Variants in IP6K3 observed in about 807,000 individuals in gnomAD.
IP6K3 encodes the protein ATP:1D-myo-inositol-hexakisphosphate phosphotransferase.
IP6K3 carries 20 observed loss-of-function variants against 28.8 expected under a neutral mutation model. The ratio of observed to expected loss-of-function variants is 0.70; its 90% confidence interval spans 0.49 to 1.01. IP6K3 has a LOEUF of 1.01. Among genes scored for constraint, IP6K3 ranks in the 50% least tolerant of loss-of-function variants. IP6K3 has a pLI of 0.00. For missense variants in IP6K3, 480 were observed against 537.1 expected (o/e 0.89, Z 1.05); for synonymous variants, 213 against 221.3 (o/e 0.96, Z 0.33).
intron 5 of IP6K3, 55 bp from the exon 6 acceptor site, chr6:33,723,242 A>G (rs1582194939): frequency 3.3e-6 from 4 of 1,202,382 alleles, no homozygotes; most frequent in East Asian, 2.4e-5. Context: ...AACAAATTGT[A>G]TCTGGTACGG....
intron 5 of IP6K3, among the ~76,000 whole-genome samples, chr6:33,725,076 A>C (rs1381812793): frequency 6.6e-6 from 1 of 151,914 alleles, no homozygotes; most frequent in African/African-American, 2.4e-5. Context: ...GAAAACACAA[A>C]AAATTAGCCA....
Position 33,723,028 on chromosome 6 carries a change from G to T in IP6K3, c.925C>A (p.Leu309Ile), listed in dbSNP as rs1225935027. The part of the protein sequence containing the change: ...LEPILHQLRA[L>I]LSVIRSQSSY... The stretch of plus-strand genomic sequence containing the variant: ...CTCTGGCTCCTAATGACAGAGAGGA[G>T]GGCCCGGAGCTGGTGCAGGATGGGC... Residue 309 changes from leucine to isoleucine, a missense_variant, in exon 6 of 6, where the codon CTC becomes ATC. Transcript: ENST00000293756. 6.2e-7 allele frequency: 1 copy of T among 1,614,168 alleles called. No individual in the cohort carries two copies. Among genetic ancestry groups the T allele is most frequent in the East Asian group, 2.2e-5 (1 of 44,878 alleles).
rs1766193590 is a variant in IP6K3, at chr6:33,728,231, T to C, written c.269A>G (p.Glu90Gly). 4 of 1,614,216 alleles carry C rather than the reference T, an allele frequency of 2.5e-6. No homozygotes were observed. The highest frequency in any genetic ancestry group is 3.4e-6 in the Non-Finnish European group (4 of 1,180,048). The change falls in exon 3 of 6, where the codon GAG (glutamate) becomes GGG (glycine). Residue 90 changes from glutamate (E) to glycine (G), a missense_variant. Physicochemically the swap from Glu to Gly is moderately conservative, Grantham distance 98. Coordinates refer to ENST00000293756, the MANE Select transcript of IP6K3 (RefSeq NM_054111.5). ...GGAGACCTTGAAGGGCTCCTGGCTC[T>C]CCTTCACTGGGTTGGCAACCAAGCT... is the stretch of plus-strand genomic sequence containing the variant. ...HLSLVANPVK[E>G]SQEPFKVSTE...
chr6:33,740,779 A>T (rs886301948), intron 1 of IP6K3, among the ~76,000 whole-genome samples: 37 of 152,338 alleles, frequency 2.4e-4, no homozygotes, highest in Admixed American at 1.8e-3. Flanking sequence ...GAGTTCATTA[A>T]CATTACGGAA....
rs1391939835 is a variant in IP6K3 at position 33,744,226 on chromosome 6, C to T, written c.-180+2532G>A. Reference sequence around the variant, plus strand: ...CTCCTCCGGACTTTGCCTCTTGAAGCTGCACCCAGGATTTTGGATATTGCT... The same window carrying T: ...CTCCTCCGGACTTTGCCTCTTGAAGTTGCACCCAGGATTTTGGATATTGCT... On this transcript the variant is annotated intron_variant, in intron 1 of 5. Transcript: ENST00000293756. This position sits in a 1 kb window ranked among gnomAD's most constrained non-coding sequence, Gnocchi z 4.4. Among the ~76,000 whole-genome samples the T allele has an allele frequency of 6.6e-6, 1 of 152,230 alleles. No homozygotes were observed. Among genetic ancestry groups the T allele is most frequent in the African/African-American group, 2.4e-5 (1 of 41,460 alleles).
intron 2 of IP6K3, among the ~76,000 whole-genome samples, chr6:33,730,574 G>C (rs945727502): frequency 1.3e-5 from 2 of 152,178 alleles, no homozygotes; most frequent in African/African-American, 2.4e-5. Context: ...TCGTGAGACA[G>C]GGGCTGACGG....
Position 33,723,167 on chromosome 6 carries a change from C to G in IP6K3, c.786G>C (p.Lys262Asn). ...AGTACTTGTCTTTGCAGAGAAAGTA[C>G]TTCTTATCTGTTTGATAAACCTTAC... ...CGMQVYQTDK[K>N]YFLCKDKYYG... Residue 262 changes from lysine (K) to asparagine (N), a missense_variant, in exon 6 of 6, where the codon AAG (lysine) becomes AAC (asparagine). Lys to Asn is a moderately conservative substitution (Grantham distance 94). Coordinates refer to ENST00000293756, the MANE Select transcript of IP6K3 (RefSeq NM_054111.5). 1 of 1,577,774 alleles carries G rather than the reference C, an allele frequency of 6.3e-7. No homozygotes were observed. Among genetic ancestry groups the G allele is most frequent in the Non-Finnish European group, 8.6e-7 (1 of 1,163,028 alleles).
chr6:33,734,006 C>T (rs1300908543), intron 2 of IP6K3, among the ~76,000 whole-genome samples: 1 of 152,154 alleles, frequency 6.6e-6, no homozygotes, highest in Non-Finnish European at 1.5e-5. Flanking sequence ...AGTTCGAGAC[C>T]AGCCTGACCA....
At position 33,728,132 on chromosome 6, in the gene IP6K3, A is replaced by G. The variant is rs1029295425; in HGVS notation, c.368T>C (p.Leu123Pro). The G allele has an allele frequency of 3.1e-6, 5 of 1,609,682 alleles. No individual in the cohort carries two copies. The highest frequency in any genetic ancestry group is 4.2e-6 in the Non-Finnish European group (5 of 1,179,982). The part of the protein sequence containing the change: ...TTGSNGSDCT[L>P]AQWPHAQLAR... ...CAGCTGGGCATGCGGCCACTGGGCAAGGGTGCAGTCGCTGCCATTGCTGCC... is the reference window on the plus strand; with the variant it reads ...CAGCTGGGCATGCGGCCACTGGGCAGGGGTGCAGTCGCTGCCATTGCTGCC... Residue 123 changes from leucine to proline, a missense_variant, in exon 3 of 6, where the codon CTT becomes CCT. Physicochemically the swap from Leu to Pro is moderately conservative, Grantham distance 98. Coordinates refer to ENST00000293756, the MANE Select transcript of IP6K3 (RefSeq NM_054111.5).
chr6:33,726,206 G>C (rs1002038035), intron 4 of IP6K3, among the ~76,000 whole-genome samples: 30 of 152,290 alleles, frequency 2.0e-4, no homozygotes, highest in Admixed American at 1.3e-4. Flanking sequence ...ACTCTGTAGG[G>C]GAGGGGGACT....
At chr6:33,739,218 T>C in intron 1 of IP6K3, 1 of 151,914 alleles carries the variant, frequency 6.6e-6, no homozygotes, top group Non-Finnish European at 1.5e-5. Context: ...CCCTTGCCCC[T>C]GGACTTGGAC....
intron 1 of IP6K3, among the ~76,000 whole-genome samples, chr6:33,745,900 G>A (rs1363490341): frequency 1.3e-5 from 2 of 152,196 alleles, no homozygotes; most frequent in Non-Finnish European, 2.9e-5. Context: ...GTACAAGTGT[G>A]CATGAGATCA....
At position 33,735,499 on chromosome 6, in the gene IP6K3, G is replaced by A. The variant is rs769213723; in HGVS notation, c.-23C>T. On this transcript the variant is annotated 5_prime_UTR_variant, in exon 2 of 6. Coordinates refer to ENST00000293756, the MANE Select transcript of IP6K3 (RefSeq NM_054111.5). ...CATGGCGGCAGATGGTGGTGGTGGG[G>A]GGTCCCTGCACAGTCTGCTAGAGGA... 3.1e-6 allele frequency: 5 copies of A among 1,602,704 alleles called. No individual in the cohort carries two copies. The African/African-American group carries it at 5.3e-5, about 17-fold the overall frequency.
At chr6:33,748,377 G>T (rs1006946226), upstream of IP6K3, among the ~76,000 whole-genome samples, 2 of 152,002 alleles carry the variant, frequency 1.3e-5, no homozygotes, top group African/African-American at 4.8e-5. Context: ...CCATTCTCCT[G>T]GCCCTCACCC....
At chr6:33,748,526 G>GAGAGGCAGAGGC (rs147473363), upstream of IP6K3, among the ~76,000 whole-genome samples, 8 of 150,950 alleles carry the variant, frequency 5.3e-5, 1 homozygote, top group African/African-American at 2.0e-4. Context: ...CTAACATTTT[G>GAGAGGCAGAGGC]AGAGGCAGAG....
chr6:33,732,303 G>C (rs1264888146), intron 2 of IP6K3, among the ~76,000 whole-genome samples: 1 of 152,196 alleles, frequency 6.6e-6, no homozygotes, highest in Non-Finnish European at 1.5e-5. Context: ...GTGGCGCAGG[G>C]TGGCGAGAAG....
Position 33,727,707 on chromosome 6 carries a change from G to A in IP6K3, c.413+380C>T, listed in dbSNP as rs1766168255. On this transcript the variant is annotated intron_variant, in intron 3 of 5. Coordinates refer to ENST00000293756, the MANE Select transcript of IP6K3 (RefSeq NM_054111.5). Reference sequence around the variant, plus strand: ...CTAGGGAAAGAGGTGATTTCTGAGAGCAATTAGCCACACTTTTCCTCTACA... The same window carrying A: ...CTAGGGAAAGAGGTGATTTCTGAGAACAATTAGCCACACTTTTCCTCTACA... 8.1e-6 allele frequency: 4 copies of A among 491,960 alleles called. No individual in the cohort carries two copies. The East Asian group carries it at 6.1e-4, about 75-fold the overall frequency. The allele number at this position is 491,960 out of a possible 1,614,324, so 30.5% of individuals were successfully genotyped here.
rs1337641388 is a variant in IP6K3 at position 33,746,894 on chromosome 6, T to G, written c.-316A>C. The G allele has an allele frequency of 6.6e-6, 1 of 152,390 alleles. No homozygotes were observed. Among genetic ancestry groups the G allele is most frequent in the Non-Finnish European group, 1.5e-5 (1 of 68,180 alleles). The allele number at this position is 152,390 out of a possible 1,614,324, so 9.4% of individuals were successfully genotyped here. ...CATTTGCTGTTCACCAGAGCCCTGG[T>G]GCGGGAGGTCTGCCCGGGAGGGCCG... On this transcript the variant is annotated 5_prime_UTR_variant, in exon 1 of 6. Transcript: ENST00000293756. The surrounding 1 kb of genome is among the most constrained non-coding windows in gnomAD (Gnocchi z 6.5).
At chr6:33,738,760 G>A (rs1766617991) in intron 1 of IP6K3, among the ~76,000 whole-genome samples, 1 of 152,180 alleles carries the variant, frequency 6.6e-6, no homozygotes, top group Admixed American at 6.5e-5. Context: ...TCAGGAAATT[G>A]AGCCACAAGG....
Sources: allele counts gnomAD v4.1 joint callset (sites outside exome capture counted in the v4.1 genomes callset), GRCh38; gene constraint gnomAD v4.1.1; non-coding constraint Gnocchi (gnomAD v3.1); transcripts MANE v1.5; gene names NCBI Gene and HGNC (gene_info 2026-07-23, HGNC 2026-07-21).